Variants in PUS7 observed in about 807,000 individuals in gnomAD.
PUS7 encodes pseudouridylate synthase 7 homolog.
A neutral mutation model predicts 79.8 loss-of-function variants in PUS7; 48 were observed. The observed-to-expected ratio is 0.60, with a 90% CI of 0.48 to 0.76. PUS7 has a LOEUF of 0.76. Among genes scored for constraint, PUS7 ranks in the 30% least tolerant of loss-of-function variants. The probability of loss-of-function intolerance (pLI) is 0.00; values close to 1 mark genes in which losing one functional copy is unlikely to be tolerated. For synonymous variants in PUS7, 286 were observed against 272.2 expected (o/e 1.05, Z -0.50); for missense variants, 729 against 797.6 (o/e 0.91, Z 1.04).
At chr7:105,484,540 C>T (rs931788058) in intron 7 of PUS7, among the ~76,000 whole-genome samples, 12 of 150,588 alleles carry the variant, frequency 8.0e-5, no homozygotes, top group Non-Finnish European at 1.3e-4. Flanking sequence ...GCTCTGGGAC[C>T]GGGCGCGGTG....
chr7:105,491,496 C>T, intron 7 of PUS7, 44 bp downstream of exon 7: 1 of 1,268,784 alleles, frequency 7.9e-7, no homozygotes, highest in Non-Finnish European at 1.1e-6. Flanking sequence ...AAAGCAGTGC[C>T]AGGATATTTA....
chr7:105,494,715 A>G (rs1824935176), intron 6 of PUS7, among the ~76,000 whole-genome samples: 1 of 152,006 alleles, frequency 6.6e-6, no homozygotes, highest in African/African-American at 2.4e-5. Context: ...GCCGATCGGC[A>G]ATTCTTAATC....
At chr7:105,491,795 G>A (rs1824792524) in intron 6 of PUS7, among the ~76,000 whole-genome samples, 178 bp from the exon 7 acceptor site, 2 of 152,108 alleles carry the variant, frequency 1.3e-5, no homozygotes, top group Admixed American at 1.3e-4. Flanking sequence ...AGTGGCTCAT[G>A]GTCTGTAATC....
chr7:105,462,823 G>C, intron 13 of PUS7, 73 bp from the exon 14 acceptor site: 2 of 1,396,872 alleles, frequency 1.4e-6, no homozygotes, highest in Admixed American at 2.1e-5. Flanking sequence ...ATTATAAAGA[G>C]AGTAACAATG....
intron 1 of PUS7, among the ~76,000 whole-genome samples, chr7:105,515,592 T>C (rs894351235): frequency 1.3e-5 from 2 of 152,130 alleles, no homozygotes; most frequent in African/African-American, 4.8e-5. Context: ...CAAATGAAAT[T>C]ACATTTTTCA....
chr7:105,457,704 T>C lies in PUS7; in HGVS notation c.*86A>G, dbSNP rs1823242686. The C allele has an allele frequency of 7.0e-6, 9 of 1,281,442 alleles. No individual in the cohort carries two copies. Among genetic ancestry groups the C allele is most frequent in the Non-Finnish European group, 9.7e-6 (9 of 931,904 alleles). 79.4% of individuals were successfully genotyped at this position (1,281,442 alleles called of 1,614,324 possible). On this transcript the variant is annotated 3_prime_UTR_variant, in exon 16 of 16. Transcript: ENST00000469408. Reference sequence around the variant, plus strand: ...TTATTACAAAGATTTGAAATCCATATATGAGTCTGAACTAAGACAAAAATG... The same window carrying C: ...TTATTACAAAGATTTGAAATCCATACATGAGTCTGAACTAAGACAAAAATG...
chr7:105,495,582 C>T (rs905652302), intron 5 of PUS7, among the ~76,000 whole-genome samples: 19 of 151,856 alleles, frequency 1.3e-4, no homozygotes, highest in Admixed American at 3.9e-4. Flanking sequence ...TGGCAAGACC[C>T]GTCTCCACTA....
chr7:105,466,016 G>A (rs1487544416), intron 12 of PUS7, among the ~76,000 whole-genome samples: 1 of 151,804 alleles, frequency 6.6e-6, no homozygotes, highest in African/African-American at 2.4e-5. Flanking sequence ...AAATTAGCTG[G>A]GTGTGGTGGC....
In PUS7 at chr7:105,486,241, C is replaced by T. The variant is rs922272979; in HGVS notation, c.921-3801G>A. ...CTAATTTTTGTAATTTTAGCAGAGA[C>T]GGGGTTTCACCATGTTGGCAAGGCT... On this transcript the variant is annotated intron_variant, in intron 7 of 15. Transcript: ENST00000469408. Among the ~76,000 whole-genome samples the T allele has an allele frequency of 5.3e-5, 8 of 151,754 alleles. No individual in the cohort carries two copies. The East Asian group carries it at 7.8e-4, about 15-fold the overall frequency.
chr7:105,467,239 T>C (rs1197101833), intron 12 of PUS7, among the ~76,000 whole-genome samples: 2 of 151,796 alleles, frequency 1.3e-5, no homozygotes, highest in Non-Finnish European at 2.9e-5. Flanking sequence ...CTTGGGAACA[T>C]TTTGGGCATA....
At chr7:105,482,538 C>G in intron 7 of PUS7, 98 bp from the exon 8 acceptor site, 1 of 1,290,624 alleles carries the variant, frequency 7.7e-7, no homozygotes, top group South Asian at 1.4e-5. Flanking sequence ...AAACAAGATA[C>G]AGCACACCTA....
rs750597125 is a variant in PUS7, at chr7:105,499,867, C to G, written c.730+2553G>C. On this transcript the variant is annotated intron_variant, in intron 5 of 15. Transcript: ENST00000469408. ...CTTTAAAAGCTAAATCATTCAAATGCTAGGCAAGATGGCTCAGGAGGACAA... is the reference window on the plus strand; with the variant it reads ...CTTTAAAAGCTAAATCATTCAAATGGTAGGCAAGATGGCTCAGGAGGACAA... Among the ~76,000 whole-genome samples the G allele has an allele frequency of 2.0e-5, 3 of 152,316 alleles. No homozygotes were observed. The South Asian group carries it at 6.2e-4, about 32-fold the overall frequency.
At chr7:105,474,452 T>C (rs1361835709) in intron 9 of PUS7, among the ~76,000 whole-genome samples, 21 of 152,020 alleles carry the variant, frequency 1.4e-4, no homozygotes, top group Admixed American at 1.4e-3. Context: ...ACAGATATAA[T>C]ACACATAGAT....
intron 9 of PUS7, among the ~76,000 whole-genome samples, chr7:105,476,434 T>G (rs1048669468): frequency 6.6e-6 from 1 of 152,162 alleles, no homozygotes; most frequent in African/African-American, 2.4e-5. Flanking sequence ...CTCAGCTTAC[T>G]GCAACCTCTG....
intron 2 of PUS7, 86 bp downstream of exon 2, chr7:105,508,029 G>A: frequency 1.4e-6 from 2 of 1,435,166 alleles, no homozygotes; most frequent in Non-Finnish European, 1.8e-6. Context: ...GAGATGGAAA[G>A]CTAAGTGGAA....
intron 5 of PUS7, 65 bp from the exon 6 acceptor site, chr7:105,495,318 T>C: frequency 1.1e-6 from 1 of 929,388 alleles, no homozygotes. Flanking sequence ...AGAGCTCATT[T>C]TTCGCTATAG....
chr7:105,472,160 CA>C lies in PUS7; in HGVS notation c.1208del (p.Met403ArgfsTer3). The C allele has an allele frequency of 6.2e-7, 1 of 1,600,204 alleles. No individual in the cohort carries two copies. Among genetic ancestry groups the C allele is most frequent in the Non-Finnish European group, 8.6e-7 (1 of 1,169,334 alleles). On this transcript the variant is annotated frameshift_variant, in exon 10 of 16. Transcript: ENST00000469408. LOFTEE classifies it high-confidence loss of function. ...AILQNSWTEV[M>X]DLILKPRSGA... Reference sequence around the variant, plus strand: ...CAGAGCGGGGTTTCAATATTAAATCCATGACTTCTGTCCAGGAATTTTGTAG... The same window carrying C: ...CAGAGCGGGGTTTCAATATTAAATCCTGACTTCTGTCCAGGAATTTTGTAG...
intron 7 of PUS7, among the ~76,000 whole-genome samples, chr7:105,483,579 G>A (rs113995144): frequency 0.01 from 1,544 of 152,100 alleles, 14 homozygotes; most frequent in African/African-American, 0.033. Flanking sequence ...GATTACAGGC[G>A]TGAGATAAGT....
chr7:105,503,009 T>C (rs1039964374), intron 4 of PUS7, among the ~76,000 whole-genome samples: 1 of 152,158 alleles, frequency 6.6e-6, no homozygotes, highest in Non-Finnish European at 1.5e-5. Flanking sequence ...CTCAAAAATA[T>C]TTCAGAGCTT....
Sources: gnomAD v4.1 joint callset for allele counts (sites outside exome capture counted in the v4.1 genomes callset) on GRCh38, gnomAD v4.1.1 for gene constraint, MANE v1.5 for transcripts, NCBI Gene and HGNC (gene_info 2026-07-23, HGNC 2026-07-21) for gene names.